XIRP2: variants seen among roughly 807,000 people sequenced by gnomAD.
XIRP2 encodes xin actin-binding repeat-containing protein 2.
In XIRP2, 236 loss-of-function variants were observed where a neutral mutation model predicts 277.0. The ratio of observed to expected loss-of-function variants is 0.85; its 90% confidence interval spans 0.77 to 0.95. The LOEUF (loss-of-function observed/expected upper bound fraction) is 0.95. Ranked by LOEUF, XIRP2 falls within the 40% of genes least tolerant of loss-of-function variation. The pLI is 0.00. For synonymous variants in XIRP2, 1,490 were observed against 1,416.5 expected (o/e 1.05, Z -1.17); for missense variants, 4,640 against 4,157.5 (o/e 1.12, Z -3.19).
At chr2:167,064,928 C>T (rs946726927) in intron 2 of XIRP2, among the ~76,000 whole-genome samples, 4 of 151,838 alleles carry the variant, frequency 2.6e-5, no homozygotes, top group African/African-American at 9.7e-5. Flanking sequence ...ATTGCTTCTA[C>T]CTTTTGGCTA....
intron 3 of XIRP2, among the ~76,000 whole-genome samples, chr2:167,180,839 T>A (rs1276133106): frequency 1.3e-5 from 2 of 152,214 alleles, no homozygotes; most frequent in African/African-American, 4.8e-5. Context: ...TACATTTTTC[T>A]TATTGTGCCA....
At chr2:167,217,971 T>C (rs1694306056) in intron 4 of XIRP2, among the ~76,000 whole-genome samples, 195 bp from the exon 5 acceptor site, 1 of 152,196 alleles carries the variant, frequency 6.6e-6, no homozygotes, top group Non-Finnish European at 1.5e-5. Flanking sequence ...ATCAAAAGAC[T>C]GATAAATGAG....
chr2:167,009,684 G>A (rs1687609718), intron 2 of XIRP2, among the ~76,000 whole-genome samples: 1 of 152,016 alleles, frequency 6.6e-6, no homozygotes, highest in Non-Finnish European at 1.5e-5. Flanking sequence ...CCCACCAACA[G>A]TGTAAAAGTG....
chr2:167,055,777 A>G lies in XIRP2; in HGVS notation c.409-80132A>G, dbSNP rs78598633. Among the ~76,000 whole-genome samples, 282 of 152,326 alleles carry G rather than the reference A, an allele frequency of 1.9e-3. 3 individuals are homozygous for G. In the East Asian group the frequency reaches 0.029, roughly 16 times the overall value. On this transcript the variant is annotated intron_variant, in intron 2 of 10. Coordinates refer to ENST00000409195, the MANE Select transcript of XIRP2 (RefSeq NM_152381.6). ...AAAGTAGTTAATTGATGATAAAAAT[A>G]TAGCTTAATCTCAGACTAAACTGTG...
intron 2 of XIRP2, among the ~76,000 whole-genome samples, chr2:166,980,998 T>G (rs1396618563): frequency 6.6e-6 from 1 of 152,222 alleles, no homozygotes; most frequent in Non-Finnish European, 1.5e-5. Context: ...TACAATTTCA[T>G]GTAAAATATA....
At chr2:167,150,547 T>A (rs1413231012) in intron 3 of XIRP2, among the ~76,000 whole-genome samples, 1 of 152,046 alleles carries the variant, frequency 6.6e-6, no homozygotes, top group Non-Finnish European at 1.5e-5. Flanking sequence ...GATTCATCCA[T>A]TACCTAAATA....
chr2:167,248,105 C>T lies in XIRP2; in HGVS notation c.6713C>T (p.Thr2238Ile). ...SEKSHNTFKATNKKRETDVHL... is the reference protein window; with the variant it reads ...SEKSHNTFKAINKKRETDVHL... ...AAAAGTCACAATACATTTAAGGCAA[C>T]CAACAAAAAGCGGGAGACTGATGTT... The change falls in exon 9 of 11, where the codon ACC (threonine) becomes ATC (isoleucine). Residue 2238 changes from threonine (T) to isoleucine (I), a missense_variant. By Grantham distance (89) the Thr-to-Ile change is moderately conservative. Coordinates refer to ENST00000409195, the MANE Select transcript of XIRP2 (RefSeq NM_152381.6). 2 of 1,612,882 alleles carry T rather than the reference C, an allele frequency of 1.2e-6. No individual in the cohort carries two copies. The highest frequency in any genetic ancestry group is 1.7e-6 in the Non-Finnish European group (2 of 1,179,616).
chr2:167,230,304 A>G (rs149086913), intron 5 of XIRP2, among the ~76,000 whole-genome samples: 1 of 152,256 alleles, frequency 6.6e-6, no homozygotes, highest in East Asian at 1.9e-4. Flanking sequence ...ATCTTTTACC[A>G]TAAACACTTT....
At chr2:167,131,658 C>T (rs1184234663) in intron 2 of XIRP2, among the ~76,000 whole-genome samples, 2 of 152,116 alleles carry the variant, frequency 1.3e-5, no homozygotes, top group Non-Finnish European at 2.9e-5. Context: ...TCTCCTCTGC[C>T]ATCCATTTAA....
chr2:167,239,905 G>A lies in XIRP2; in HGVS notation c.909G>A (p.Met303Ile). The A allele has an allele frequency of 6.2e-7, 1 of 1,607,282 alleles. No individual in the cohort carries two copies. The highest frequency in any genetic ancestry group is 8.5e-7 in the Non-Finnish European group (1 of 1,177,712). ...QVGTSRSSQE[M>I]ARNEQEGSKV... Reference sequence around the variant, plus strand: ...GCACTTCAAGAAGCAGCCAGGAAATGGCAAGAAATGAACAAGAAGGGTCCA... The same window carrying A: ...GCACTTCAAGAAGCAGCCAGGAAATAGCAAGAAATGAACAAGAAGGGTCCA... The change falls in exon 6 of 11, where the codon ATG (methionine) becomes ATA (isoleucine). Residue 303 changes from methionine (M) to isoleucine (I), a missense_variant. Coordinates refer to ENST00000409195, the MANE Select transcript of XIRP2 (RefSeq NM_152381.6).
intron 2 of XIRP2, among the ~76,000 whole-genome samples, chr2:166,978,969 TA>T (rs1250672122): frequency 1.3e-5 from 2 of 152,126 alleles, no homozygotes; most frequent in East Asian, 1.9e-4. Flanking sequence ...ATATCATCTT[TA>T]AAAAAAAGAA....
chr2:167,179,791 C>T (rs1692960804), intron 3 of XIRP2, among the ~76,000 whole-genome samples: 1 of 152,036 alleles, frequency 6.6e-6, no homozygotes. Flanking sequence ...AGGCATGTGC[C>T]ACTGCACTGG....
At chr2:167,197,834 G>A (rs1451214245) in intron 3 of XIRP2, among the ~76,000 whole-genome samples, 3 of 152,086 alleles carry the variant, frequency 2.0e-5, no homozygotes, top group Non-Finnish European at 2.9e-5. Context: ...CATTGGTGTA[G>A]GAAGATTTCT....
rs759301325 is a variant in XIRP2, at chr2:167,244,110, AG to A, written c.2722del (p.Asp908MetfsTer28). 1 of 1,613,978 alleles carries A rather than the reference AG, an allele frequency of 6.2e-7. No individual in the cohort carries two copies. The stretch of plus-strand genomic sequence containing the variant: ...AAATCACTGCCTCTGAAGAAGAAAA[AG>A]GGGATGTTAGGCATCAAAAATGGAT... Reference protein sequence around the residue: ...QKITASEEEKGDVRHQKWIFE... With the variant: ...QKITASEEEKXDVRHQKWIFE... On this transcript the variant is annotated frameshift_variant, in exon 9 of 11. Transcript: ENST00000409195. LOFTEE classifies it high-confidence loss of function.
chr2:167,150,338 AC>A (rs1691980810), intron 3 of XIRP2, among the ~76,000 whole-genome samples: 1 of 152,044 alleles, frequency 6.6e-6, no homozygotes, highest in African/African-American at 2.4e-5. Flanking sequence ...ACATGAGGAG[AC>A]ATTTTAACAG....
intron 2 of XIRP2, among the ~76,000 whole-genome samples, chr2:166,941,300 G>A (rs1483328787): frequency 2.0e-5 from 3 of 152,172 alleles, no homozygotes; most frequent in Non-Finnish European, 4.4e-5. Context: ...GGAAAAGCAC[G>A]GTATTAGGCT....
At chr2:167,037,566 T>G (rs1470148205) in intron 2 of XIRP2, among the ~76,000 whole-genome samples, 1 of 151,098 alleles carries the variant, frequency 6.6e-6, no homozygotes, top group Non-Finnish European at 1.5e-5. Context: ...TGTTTTAAGA[T>G]ATTTCAACTT....
chr2:166,892,748 A>G (rs982139446), intron 1 of XIRP2, among the ~76,000 whole-genome samples: 3 of 151,236 alleles, frequency 2.0e-5, no homozygotes, highest in African/African-American at 7.3e-5. Context: ...GAATGCTACA[A>G]TTTTGGAGCA....
At chr2:167,234,578 C>T (rs1213789510) in intron 5 of XIRP2, among the ~76,000 whole-genome samples, 3 of 151,280 alleles carry the variant, frequency 2.0e-5, no homozygotes, top group Non-Finnish European at 4.4e-5. Context: ...TTAGTGCTTT[C>T]AAAGAAAAAA....
Sources: allele counts gnomAD v4.1 joint callset (sites outside exome capture counted in the v4.1 genomes callset), GRCh38; gene constraint gnomAD v4.1.1; transcripts MANE v1.5; gene names NCBI Gene and HGNC (gene_info 2026-07-23, HGNC 2026-07-21).